Variants in CACNA2D3 observed in about 807,000 individuals in gnomAD.
CACNA2D3 encodes the protein voltage-dependent calcium channel subunit alpha-2/delta-3.
A neutral mutation model predicts 160.6 loss-of-function variants in CACNA2D3; 60 were observed. The ratio of observed to expected loss-of-function variants is 0.37; its 90% CI spans 0.30 to 0.46. The LOEUF (loss-of-function observed/expected upper bound fraction) is 0.46, where lower values mean the gene tolerates loss of function less well. Ranked by LOEUF, CACNA2D3 falls within the 20% of genes least tolerant of loss-of-function variation. The pLI is 1.00. For missense variants in CACNA2D3, 1,205 were observed against 1,365.0 expected, an observed-to-expected ratio of 0.88 and a Z score of 1.85; for synonymous variants, 558 against 492.9, an observed-to-expected ratio of 1.13 and a Z score of -1.75.
chr3:54,193,396 C>T (rs1023136904), intron 2 of CACNA2D3, among the ~76,000 whole-genome samples: 1 of 152,190 alleles, frequency 6.6e-6, no homozygotes, highest in Non-Finnish European at 1.5e-5. Flanking sequence ...TTCCAGGGTT[C>T]AGTCTTTTTG....
At chr3:54,452,366 C>G (rs1447410323) in intron 4 of CACNA2D3, among the ~76,000 whole-genome samples, 1 of 152,208 alleles carries the variant, frequency 6.6e-6, no homozygotes, top group Non-Finnish European at 1.5e-5. Flanking sequence ...TTATCTCCAC[C>G]TGGCTCTGCC....
chr3:54,657,889 C>T (rs140371791), intron 11 of CACNA2D3, among the ~76,000 whole-genome samples: 8,313 of 152,124 alleles, frequency 0.055, 307 homozygotes, highest in South Asian at 0.11. Context: ...ATTAGCCTGG[C>T]ATGGTGGCAC....
intron 11 of CACNA2D3, among the ~76,000 whole-genome samples, chr3:54,726,892 AC>A: frequency 1.3e-5 from 2 of 152,368 alleles, no homozygotes; most frequent in Middle Eastern, 6.8e-3. Flanking sequence ...AGCAATGGCA[AC>A]AAAAGCCAAA....
At chr3:54,421,556 A>G (rs1699836535) in intron 4 of CACNA2D3, among the ~76,000 whole-genome samples, 1 of 152,034 alleles carries the variant, frequency 6.6e-6, no homozygotes, top group South Asian at 2.1e-4. Flanking sequence ...GGGATTCTAT[A>G]TACCCTTCCA....
At chr3:54,377,698 C>T (rs1419368927) in intron 3 of CACNA2D3, among the ~76,000 whole-genome samples, 1 of 152,196 alleles carries the variant, frequency 6.6e-6, no homozygotes, top group African/African-American at 2.4e-5. Context: ...GATTCAAACT[C>T]TTGTCTTTGA....
chr3:54,636,284 T>C (rs374458720), intron 10 of CACNA2D3, among the ~76,000 whole-genome samples: 4 of 151,796 alleles, frequency 2.6e-5, no homozygotes, highest in East Asian at 1.9e-4. Flanking sequence ...GAAGGAAATA[T>C]GGGAAAATGG....
intron 6 of CACNA2D3, among the ~76,000 whole-genome samples, chr3:54,567,082 T>C (rs1409059724): frequency 6.6e-6 from 1 of 152,188 alleles, no homozygotes; most frequent in Non-Finnish European, 1.5e-5. Flanking sequence ...ATTTATAATT[T>C]TCATAGCAAC....
intron 35 of CACNA2D3, among the ~76,000 whole-genome samples, chr3:55,033,790 T>C: frequency 7.5e-6 from 1 of 133,048 alleles, no homozygotes; most frequent in South Asian, 2.1e-4. Context: ...ATATATTAAA[T>C]ATATTTTATA....
At chr3:54,880,989 C>T (rs976692882) in intron 21 of CACNA2D3, 126 bp downstream of exon 21, 2 of 760,268 alleles carry the variant, frequency 2.6e-6, no homozygotes, top group Non-Finnish European at 4.7e-6. Context: ...ACATTCCACT[C>T]AAACGAATGC....
rs148370830 is a variant in CACNA2D3 at position 54,989,875 on chromosome 3, G to A, written c.2690+2122G>A. 2.6e-3 allele frequency among the ~76,000 whole-genome samples: 399 copies of A among 152,262 alleles called. 1 individual carries two copies. The highest frequency in any genetic ancestry group is 9.0e-3 in the African/African-American group (374 of 41,550). On this transcript the variant is annotated intron_variant, in intron 31 of 37. Coordinates refer to ENST00000474759, the MANE Select transcript of CACNA2D3 (RefSeq NM_018398.3). ...TATGACACCATATGATGGGTCTCTG[G>A]TGTTGGAGGACCACAGTCCTTGCAA...
chr3:54,871,985 A>G (rs1699546673), intron 18 of CACNA2D3, among the ~76,000 whole-genome samples: 1 of 152,174 alleles, frequency 6.6e-6, no homozygotes, highest in Admixed American at 6.5e-5. Flanking sequence ...CCTGGTGCAA[A>G]GTCAGGGTGC....
chr3:54,901,469 GTA>G (rs920471632), intron 27 of CACNA2D3, among the ~76,000 whole-genome samples: 5 of 152,172 alleles, frequency 3.3e-5, no homozygotes, highest in Non-Finnish European at 7.3e-5. Context: ...TGAACACTGT[GTA>G]TCCAGTCTAG....
chr3:54,399,905 G>A lies in CACNA2D3; in HGVS notation c.381+13131G>A, dbSNP rs1046749616. Among the ~76,000 whole-genome samples, 16 of 123,128 alleles carry A rather than the reference G, an allele frequency of 1.3e-4. 4 individuals carry two copies. Among genetic ancestry groups the A allele is most frequent in the African/African-American group, 5.1e-4 (16 of 31,530 alleles). 80.8% of individuals were successfully genotyped at this position (123,128 alleles called of 152,430 possible). A position where few individuals can be genotyped will look rare whatever the true frequency, so the allele number is the denominator to read the frequency against. ...CGGGCGCCCCTCCCCCAGCCTCGTT[G>A]CCGCCTTGCAGTTTGATCTCAGACT... On this transcript the variant is annotated intron_variant, in intron 4 of 37. Coordinates refer to ENST00000474759, the MANE Select transcript of CACNA2D3 (RefSeq NM_018398.3).
chr3:54,373,117 T>C (rs1698954019), intron 3 of CACNA2D3, among the ~76,000 whole-genome samples: 1 of 152,184 alleles, frequency 6.6e-6, no homozygotes, highest in South Asian at 2.1e-4. Context: ...GCCTCAGGAT[T>C]TTATTTCTGC....
intron 3 of CACNA2D3, among the ~76,000 whole-genome samples, chr3:54,324,798 G>A (rs1425059009): frequency 6.6e-6 from 1 of 152,126 alleles, no homozygotes; most frequent in African/African-American, 2.4e-5. Context: ...ACATTTCAAG[G>A]GAGATATTTC....
chr3:54,611,293 C>G (rs1467101072), intron 9 of CACNA2D3, among the ~76,000 whole-genome samples: 1 of 152,172 alleles, frequency 6.6e-6, no homozygotes, highest in East Asian at 1.9e-4. Context: ...TTCTAATTGT[C>G]AACCCTTTCT....
At chr3:54,899,309 T>G (rs1700272077) in intron 26 of CACNA2D3, among the ~76,000 whole-genome samples, 1 of 152,208 alleles carries the variant, frequency 6.6e-6, no homozygotes, top group South Asian at 2.1e-4. Context: ...CCAGAAAAAC[T>G]GGGCTCGAAA....
At chr3:54,865,944 C>T (rs943999549) in intron 17 of CACNA2D3, among the ~76,000 whole-genome samples, 49 of 151,952 alleles carry the variant, frequency 3.2e-4, no homozygotes, top group Admixed American at 1.3e-3. Context: ...GGCACAGAGA[C>T]GTGCACACCT....
At chr3:55,004,538 TC>T (rs925400061) in intron 31 of CACNA2D3, among the ~76,000 whole-genome samples, 1 of 152,224 alleles carries the variant, frequency 6.6e-6, no homozygotes, top group African/African-American at 2.4e-5. Flanking sequence ...CTCTACCCTT[TC>T]CAATACCTTC....
Sources: allele counts gnomAD v4.1 joint callset (sites outside exome capture counted in the v4.1 genomes callset), GRCh38; gene constraint gnomAD v4.1.1; transcripts MANE v1.5; gene names NCBI Gene and HGNC (gene_info 2026-07-23, HGNC 2026-07-21).